The following MAF variants were observed in gnomAD, a reference collection of about 807,000 sequenced individuals.
The protein encoded by MAF is MAF bZIP transcription factor.
A neutral mutation model predicts 22.0 loss-of-function variants in MAF; 10 were observed. The observed-to-expected ratio is 0.45, with a 90% CI of 0.28 to 0.77. The LOEUF (loss-of-function observed/expected upper bound fraction) is 0.77, where lower values mean the gene tolerates loss of function less well. Ranked by LOEUF, MAF falls within the 30% of genes least tolerant of loss-of-function variation. MAF has a pLI of 0.12. For missense variants in MAF, 544 were observed against 548.4 expected (o/e 0.99, Z 0.08); for synonymous variants, 337 against 255.8 (o/e 1.32, Z -3.03).
At chr16:79,427,011 C>G in the MAF span, among the ~76,000 whole-genome samples, 1 of 152,202 alleles carries the variant, frequency 6.6e-6, no homozygotes, top group Non-Finnish European at 1.5e-5. Flanking sequence ...ACTAAATTAT[C>G]TTGGTTTCTG....
chr16:79,417,591 G>A, the MAF span, among the ~76,000 whole-genome samples: 7 of 152,128 alleles, frequency 4.6e-5, no homozygotes, highest in African/African-American at 1.7e-4. Context: ...AGGGAGGGCT[G>A]GGGCGAGCAG....
chr16:79,498,398 G>A, the MAF span, among the ~76,000 whole-genome samples: 27 of 152,176 alleles, frequency 1.8e-4, no homozygotes, highest in Admixed American at 7.2e-4. Flanking sequence ...TATGTGTGAT[G>A]AAGGAATATC....
the MAF span, among the ~76,000 whole-genome samples, chr16:79,387,519 A>G: frequency 6.6e-6 from 1 of 152,194 alleles, no homozygotes; most frequent in Non-Finnish European, 1.5e-5. Flanking sequence ...ATCCTTCTAC[A>G]TGAATAGTCA....
At chr16:79,216,704 A>G in the MAF span, among the ~76,000 whole-genome samples, 5,322 of 152,112 alleles carry the variant, frequency 0.035, 331 homozygotes, top group African/African-American at 0.12. Context: ...TCAACTTACT[A>G]TGGGTTTAGA....
At chr16:79,432,714 T>C in the MAF span, among the ~76,000 whole-genome samples, 1 of 152,150 alleles carries the variant, frequency 6.6e-6, no homozygotes, top group African/African-American at 2.4e-5. Flanking sequence ...CAATATGATG[T>C]CCTCATAAAA....
chr16:79,301,512 C>T, the MAF span, among the ~76,000 whole-genome samples: 1 of 152,052 alleles, frequency 6.6e-6, no homozygotes, highest in Non-Finnish European at 1.5e-5. Flanking sequence ...TTGGATAGGA[C>T]GCAGGGATGA....
the MAF span, among the ~76,000 whole-genome samples, chr16:79,432,869 C>T: frequency 1.3e-5 from 2 of 152,206 alleles, no homozygotes; most frequent in African/African-American, 2.4e-5. Flanking sequence ...AACAGACTCT[C>T]CTTCATGCCC....
rs1051442987 is a variant in MAF at position 79,599,947 on chromosome 16, G to A, written c.-45C>T. 1.3e-6 allele frequency: 2 copies of A among 1,597,646 alleles called. No homozygotes were observed. The highest frequency in any genetic ancestry group is 1.3e-5 in the African/African-American group (1 of 74,828). On this transcript the variant is annotated 5_prime_UTR_variant, in exon 1 of 2. Coordinates refer to ENST00000326043, the MANE Select transcript of MAF (RefSeq NM_005360.5). ...CCGCCGCCGCCGCTCCGCCAGATGG[G>A]CTGCAGGAGAGGGGCCAGCGGGCTG...
chr16:79,547,928 G>A, the MAF span, among the ~76,000 whole-genome samples: 1 of 151,888 alleles, frequency 6.6e-6, no homozygotes, highest in Non-Finnish European at 1.5e-5. Flanking sequence ...GATAGAGAGA[G>A]AGAGAGAGAG....
chr16:79,435,909 G>C, the MAF span, among the ~76,000 whole-genome samples: 2 of 152,144 alleles, frequency 1.3e-5, no homozygotes, highest in African/African-American at 4.8e-5. Context: ...TCAATTCACA[G>C]GTAAGGGACC....
chr16:79,597,610 T>C (rs754772343), intron 1 of MAF: 13 of 1,022,358 alleles, frequency 1.3e-5, no homozygotes, highest in Non-Finnish European at 1.4e-5. Flanking sequence ...CAAAGCAGTT[T>C]TGGAGCAGAT....
the MAF span, among the ~76,000 whole-genome samples, chr16:79,217,603 C>T: frequency 5.9e-5 from 9 of 152,246 alleles, no homozygotes; most frequent in Non-Finnish European, 1.0e-4. Context: ...CCGAGTTCTT[C>T]GCGCTCATCT....
chr16:79,335,999 A>T, the MAF span, among the ~76,000 whole-genome samples: 1 of 152,234 alleles, frequency 6.6e-6, no homozygotes, highest in East Asian at 1.9e-4. Flanking sequence ...TGTGGGACGG[A>T]GTGATCCTAG....
chr16:79,229,759 G>A, the MAF span, among the ~76,000 whole-genome samples: 5 of 151,984 alleles, frequency 3.3e-5, no homozygotes, highest in Admixed American at 2.0e-4. Flanking sequence ...TTGTACCTCC[G>A]GGATTCCTTC....
chr16:79,236,706 A>T, the MAF span, among the ~76,000 whole-genome samples: 2 of 151,978 alleles, frequency 1.3e-5, no homozygotes, highest in African/African-American at 4.8e-5. Flanking sequence ...GGCCTTCTCC[A>T]GGCTCCGCTC....
the MAF span, among the ~76,000 whole-genome samples, chr16:79,423,427 C>G: frequency 6.6e-6 from 1 of 152,138 alleles, no homozygotes; most frequent in South Asian, 2.1e-4. Flanking sequence ...GGTGAGGAGT[C>G]TGAGCAAATC....
chr16:79,331,536 C>G, the MAF span, among the ~76,000 whole-genome samples: 2 of 152,118 alleles, frequency 1.3e-5, no homozygotes, highest in African/African-American at 4.8e-5. Context: ...AGAAGGTTTC[C>G]AAGACATCCA....
the MAF span, among the ~76,000 whole-genome samples, chr16:79,215,577 C>T: frequency 2.6e-5 from 4 of 152,178 alleles, no homozygotes; most frequent in African/African-American, 9.7e-5. Flanking sequence ...TCTATGCTGA[C>T]TTCCTCCTCT....
chr16:79,570,499 T>C, the MAF span, among the ~76,000 whole-genome samples: 1 of 152,172 alleles, frequency 6.6e-6, no homozygotes, highest in Non-Finnish European at 1.5e-5. Context: ...CCCACAGCCA[T>C]CTCTAACTTC....
Sources: allele counts gnomAD v4.1 joint callset (sites outside exome capture counted in the v4.1 genomes callset), GRCh38; gene constraint gnomAD v4.1.1; transcripts MANE v1.5; gene names NCBI Gene and HGNC (gene_info 2026-07-23, HGNC 2026-07-21).